The following NOL4 variants were observed in gnomAD, a reference collection of about 807,000 sequenced individuals.
NOL4 encodes the protein nucleolar protein 4, also known as cancer/testis antigen 125.
In NOL4, 17 loss-of-function variants were observed where a neutral mutation model predicts 75.9. The ratio of observed to expected loss-of-function variants is 0.22; its 90% CI spans 0.15 to 0.34. The LOEUF (loss-of-function observed/expected upper bound fraction) is 0.34, where lower values mean the gene tolerates loss of function less well. Ranked by LOEUF, NOL4 falls within the 10% of genes least tolerant of loss-of-function variation. The pLI is 1.00. For missense variants in NOL4, 614 were observed against 793.5 expected, an observed-to-expected ratio of 0.77 and a Z score of 2.72; for synonymous variants, 292 against 289.9, an observed-to-expected ratio of 1.01 and a Z score of -0.07.
At chr18:34,128,447 A>G (rs1043670081) in intron 2 of NOL4, among the ~76,000 whole-genome samples, 3 of 151,970 alleles carry the variant, frequency 2.0e-5, no homozygotes, top group African/African-American at 7.2e-5. Context: ...TAGTAGATCA[A>G]TATACATTTA....
chr18:34,031,198 G>C (rs1012906931), intron 5 of NOL4, among the ~76,000 whole-genome samples: 1 of 152,176 alleles, frequency 6.6e-6, no homozygotes, highest in Non-Finnish European at 1.5e-5. Flanking sequence ...TGAGAGAACA[G>C]GCTATGTCCG....
At chr18:34,043,686 A>T (rs2076237862) in intron 5 of NOL4, among the ~76,000 whole-genome samples, 1 of 152,086 alleles carries the variant, frequency 6.6e-6, no homozygotes, top group Non-Finnish European at 1.5e-5. Context: ...TGTGTCTTAC[A>T]GTGTTGTGAT....
At chr18:33,951,250 C>A (rs903443478) in intron 8 of NOL4, among the ~76,000 whole-genome samples, 2 of 152,080 alleles carry the variant, frequency 1.3e-5, no homozygotes, top group African/African-American at 4.8e-5. Context: ...GTATTTCTTT[C>A]CCCCTCACTC....
At chr18:33,931,468 T>C (rs1447516477) in intron 9 of NOL4, among the ~76,000 whole-genome samples, 3 of 152,148 alleles carry the variant, frequency 2.0e-5, no homozygotes, top group Admixed American at 2.0e-4. Context: ...CAGTGGCTCA[T>C]GCCTGTCATC....
chr18:34,096,799 C>A (rs536158502), intron 4 of NOL4, among the ~76,000 whole-genome samples: 1 of 152,208 alleles, frequency 6.6e-6, no homozygotes, highest in East Asian at 1.9e-4. Context: ...AAATAATTTT[C>A]TTTTCAGTCT....
chr18:34,200,695 T>C (rs939341741), intron 1 of NOL4, among the ~76,000 whole-genome samples: 2 of 151,734 alleles, frequency 1.3e-5, no homozygotes, highest in African/African-American at 4.8e-5. Context: ...GGCATACACT[T>C]AGGCATGTCA....
At chr18:33,952,199 C>G (rs1032556979) in intron 8 of NOL4, among the ~76,000 whole-genome samples, 1 of 152,104 alleles carries the variant, frequency 6.6e-6, no homozygotes, top group African/African-American at 2.4e-5. Context: ...AGGCTCAGGT[C>G]AACACCTTGC....
At chr18:34,152,644 G>A (rs1194504058) in intron 1 of NOL4, among the ~76,000 whole-genome samples, 2 of 151,802 alleles carry the variant, frequency 1.3e-5, no homozygotes, top group Non-Finnish European at 2.9e-5. Context: ...GAGTTTGTCC[G>A]ACAGCAAACC....
intron 6 of NOL4, among the ~76,000 whole-genome samples, chr18:34,009,202 G>A (rs942409534): frequency 6.6e-6 from 1 of 151,834 alleles, no homozygotes; most frequent in Non-Finnish European, 1.5e-5. Context: ...TATTTTATGA[G>A]TGCATGTTAC....
At chr18:33,981,777 TA>T (rs1241087933) in intron 6 of NOL4, among the ~76,000 whole-genome samples, 1 of 152,100 alleles carries the variant, frequency 6.6e-6, no homozygotes, top group African/African-American at 2.4e-5. Flanking sequence ...GGAGGTCAAA[TA>T]AAAATATTTT....
At chr18:34,051,853 A>G (rs1276142969) in intron 5 of NOL4, among the ~76,000 whole-genome samples, 2 of 152,050 alleles carry the variant, frequency 1.3e-5, no homozygotes, top group Admixed American at 6.6e-5. Context: ...TCAGAGGAAA[A>G]TAAATTCAAA....
intron 8 of NOL4, among the ~76,000 whole-genome samples, chr18:33,945,165 A>G (rs1445656373): frequency 6.6e-6 from 1 of 151,934 alleles, no homozygotes; most frequent in East Asian, 1.9e-4. Flanking sequence ...GAGAATCTAA[A>G]TAAAATATCA....
intron 1 of NOL4, among the ~76,000 whole-genome samples, chr18:34,193,635 T>G (rs976275041): frequency 6.6e-6 from 1 of 152,066 alleles, no homozygotes; most frequent in Non-Finnish European, 1.5e-5. Context: ...ACACTGTTGA[T>G]AGGAATGTAA....
At chr18:34,151,553 AGGGG>A (rs1194395296) in intron 1 of NOL4, among the ~76,000 whole-genome samples, 1 of 151,720 alleles carries the variant, frequency 6.6e-6, no homozygotes, top group Non-Finnish European at 1.5e-5. Flanking sequence ...GCTTATGGGA[AGGGG>A]GGGATTAATA....
At chr18:33,873,130 T>C (rs968346542) in intron 10 of NOL4, among the ~76,000 whole-genome samples, 2 of 152,016 alleles carry the variant, frequency 1.3e-5, no homozygotes, top group Admixed American at 6.6e-5. Flanking sequence ...ACCACGCAGA[T>C]CTTCCAATTG....
At chr18:33,900,202 TG>T (rs2144967799) in intron 9 of NOL4, among the ~76,000 whole-genome samples, 1 of 152,154 alleles carries the variant, frequency 6.6e-6, no homozygotes, top group African/African-American at 2.4e-5. Flanking sequence ...AGGAAGCAGG[TG>T]TGTCACATGG....
At chr18:33,933,992 A>G (rs867734950) in intron 9 of NOL4, among the ~76,000 whole-genome samples, 2 of 152,156 alleles carry the variant, frequency 1.3e-5, no homozygotes, top group Middle Eastern at 3.2e-3. Context: ...TTTCTGAAAT[A>G]TAAGACCTGA....
intron 10 of NOL4, among the ~76,000 whole-genome samples, chr18:33,880,420 A>AT (rs1349641631): frequency 1.1e-4 from 17 of 151,392 alleles, no homozygotes; most frequent in Admixed American, 3.3e-4. Flanking sequence ...CTATCCATGT[A>AT]TTTTTTCCTC....
At chr18:34,044,440 TAA>T (rs1329599449) in intron 5 of NOL4, among the ~76,000 whole-genome samples, 1 of 152,000 alleles carries the variant, frequency 6.6e-6, no homozygotes, top group East Asian at 1.9e-4. Context: ...CTTCCCAAAT[TAA>T]AAGTTATTAA....
Sources: gnomAD v4.1 joint callset for allele counts (sites outside exome capture counted in the v4.1 genomes callset) on GRCh38, gnomAD v4.1.1 for gene constraint, MANE v1.5 for transcripts, NCBI Gene and HGNC (gene_info 2026-07-23, HGNC 2026-07-21) for gene names.